The following ERBB4 variants were observed in gnomAD, a reference collection of about 807,000 sequenced individuals.
The protein encoded by ERBB4 is receptor tyrosine-protein kinase erbB-4.
Under a neutral mutation model 158.0 loss-of-function variants are expected in ERBB4, and 42 were observed. The ratio of observed to expected loss-of-function variants is 0.27; its 90% CI spans 0.21 to 0.34. The LOEUF is 0.34. Among genes scored for constraint, ERBB4 ranks in the 10% least tolerant of loss-of-function variants. The pLI is 1.00. For missense variants in ERBB4, 1,333 were observed against 1,624.1 expected, an observed-to-expected ratio of 0.82 and a Z score of 3.08; for synonymous variants, 583 against 558.7, an observed-to-expected ratio of 1.04 and a Z score of -0.61.
At chr2:211,486,113 T>C (rs2065198821) in intron 20 of ERBB4, among the ~76,000 whole-genome samples, 1 of 152,120 alleles carries the variant, frequency 6.6e-6, no homozygotes, top group Admixed American at 6.6e-5. Context: ...TACTATATAA[T>C]TAACTAAAAG....
chr2:211,487,098 T>G (rs1265364676), intron 20 of ERBB4, among the ~76,000 whole-genome samples: 1 of 151,438 alleles, frequency 6.6e-6, no homozygotes, highest in Non-Finnish European at 1.5e-5. Context: ...CTGCACCCAT[T>G]AACTCGTCAT....
At chr2:212,414,747 A>T (rs183971145) in intron 1 of ERBB4, among the ~76,000 whole-genome samples, 59 of 152,304 alleles carry the variant, frequency 3.9e-4, no homozygotes, top group African/African-American at 1.3e-3. Context: ...TAAACTAGAA[A>T]GCATATTGAA....
chr2:211,386,046 G>A (rs1225253807), intron 27 of ERBB4, among the ~76,000 whole-genome samples: 1 of 151,992 alleles, frequency 6.6e-6, no homozygotes, highest in Non-Finnish European at 1.5e-5. Flanking sequence ...CATATACCAG[G>A]CCCTTCTCAG....
At chr2:212,477,218 G>A (rs897668680) in intron 1 of ERBB4, among the ~76,000 whole-genome samples, 9 of 152,092 alleles carry the variant, frequency 5.9e-5, no homozygotes, top group African/African-American at 1.9e-4. Flanking sequence ...AGGTCTAGCT[G>A]GAAGGCAAAA....
rs367985477 is a variant in ERBB4, at chr2:212,345,265, C to CA, written c.82+193183dup. Among the ~76,000 whole-genome samples the CA allele has an allele frequency of 8.0e-4, 62 of 77,708 alleles. 9 individuals are homozygous for CA. The highest frequency in any genetic ancestry group is 1.6e-3 in the African/African-American group (28 of 17,660). The allele number at this position is 77,708 out of a possible 152,430, so 51.0% of individuals were successfully genotyped here. A position where few individuals can be genotyped will look rare whatever the true frequency, so the allele number is the denominator to read the frequency against. ...TGGGGGACAGAGCAAGACTCCGTCTCAAAAAAAAAAAAGCACTAAACACAT... is the reference window on the plus strand; with the variant it reads ...TGGGGGACAGAGCAAGACTCCGTCTCAAAAAAAAAAAAAGCACTAAACACAT... On this transcript the variant is annotated intron_variant, in intron 1 of 27. Coordinates refer to ENST00000342788, the MANE Select transcript of ERBB4 (RefSeq NM_005235.3).
intron 1 of ERBB4, among the ~76,000 whole-genome samples, chr2:212,324,182 G>C (rs961586279): frequency 6.6e-6 from 1 of 150,544 alleles, no homozygotes; most frequent in African/African-American, 2.4e-5. Context: ...CAAGGCCTAA[G>C]GTAAAGCCAA....
At chr2:211,816,965 G>A (rs148930840) in intron 3 of ERBB4, among the ~76,000 whole-genome samples, 2 of 152,236 alleles carry the variant, frequency 1.3e-5, no homozygotes, top group African/African-American at 4.8e-5. Context: ...AAATCCCAGG[G>A]CACCTTTCAG....
At chr2:212,131,981 T>C (rs2080119442) in intron 1 of ERBB4, among the ~76,000 whole-genome samples, 1 of 152,210 alleles carries the variant, frequency 6.6e-6, no homozygotes, top group African/African-American at 2.4e-5. Flanking sequence ...AAGTATTTAT[T>C]CCTTATTATG....
chr2:212,210,780 G>T (rs1278204696), intron 1 of ERBB4, among the ~76,000 whole-genome samples: 1 of 151,944 alleles, frequency 6.6e-6, no homozygotes, highest in East Asian at 1.9e-4. Context: ...GTTTATTCTG[G>T]AAATACTCTC....
chr2:212,340,498 TG>T (rs1461325261), intron 1 of ERBB4, among the ~76,000 whole-genome samples: 5 of 152,304 alleles, frequency 3.3e-5, no homozygotes, highest in East Asian at 1.9e-4. Flanking sequence ...TGGTCCCATC[TG>T]GGGGTGATGA....
chr2:211,660,730 A>G (rs1002025835), intron 15 of ERBB4, among the ~76,000 whole-genome samples: 1 of 152,222 alleles, frequency 6.6e-6, no homozygotes. Flanking sequence ...AGATGGCTAA[A>G]GAAGATATAA....
chr2:211,899,519 G>A (rs2079180732), intron 3 of ERBB4, among the ~76,000 whole-genome samples: 1 of 151,952 alleles, frequency 6.6e-6, no homozygotes, highest in African/African-American at 2.4e-5. Flanking sequence ...CAATCACAAA[G>A]TAATTTATTA....
intron 1 of ERBB4, among the ~76,000 whole-genome samples, chr2:212,473,323 G>C (rs1378424031): frequency 6.6e-6 from 1 of 151,776 alleles, no homozygotes. Context: ...TATCCTTTCT[G>C]TCAAAGCTGG....
intron 2 of ERBB4, among the ~76,000 whole-genome samples, chr2:212,030,832 A>AACCATCAGTC (rs1460016566): frequency 6.6e-6 from 1 of 152,082 alleles, no homozygotes; most frequent in Non-Finnish European, 1.5e-5. Flanking sequence ...CAGGAGGTAA[A>AACCATCAGTC]ACCATCAGTC....
intron 1 of ERBB4, among the ~76,000 whole-genome samples, chr2:212,354,759 G>A (rs2089401738): frequency 6.6e-6 from 1 of 151,944 alleles, no homozygotes; most frequent in Non-Finnish European, 1.5e-5. Context: ...AAGCAAAAAA[G>A]GTAATTGAAG....
intron 1 of ERBB4, among the ~76,000 whole-genome samples, chr2:212,385,597 G>A (rs573048189): frequency 1.9e-4 from 29 of 151,914 alleles, no homozygotes; most frequent in Admixed American, 8.6e-4. Context: ...TTTGAGAACT[G>A]AAATTTTGAT....
chr2:212,329,646 C>T (rs1532855), intron 1 of ERBB4, among the ~76,000 whole-genome samples: 2,169 of 152,094 alleles, frequency 0.014, 52 homozygotes, highest in African/African-American at 0.05. Context: ...TAGGATATGT[C>T]TTAAAGTTTA....
chr2:211,632,772 C>T (rs2070193350), intron 16 of ERBB4, among the ~76,000 whole-genome samples: 1 of 151,878 alleles, frequency 6.6e-6, no homozygotes, highest in African/African-American at 2.4e-5. Flanking sequence ...TTCAAAAACT[C>T]AAGACAGTAA....
intron 3 of ERBB4, among the ~76,000 whole-genome samples, chr2:211,816,268 C>T (rs942481685): frequency 1.3e-5 from 2 of 152,100 alleles, no homozygotes; most frequent in Admixed American, 6.5e-5. Context: ...TGGCCAGGCA[C>T]GGTGGCTCAT....
Sources: allele counts gnomAD v4.1 joint callset (sites outside exome capture counted in the v4.1 genomes callset), GRCh38; gene constraint gnomAD v4.1.1; transcripts MANE v1.5; gene names NCBI Gene and HGNC (gene_info 2026-07-23, HGNC 2026-07-21).